NAT9: variants seen among roughly 807,000 people sequenced by gnomAD.
NAT9 encodes alpha/beta-tubulin-N-acetyltransferase 9.
Under a neutral mutation model 24.0 loss-of-function variants are expected in NAT9, and 18 were observed. That is an observed-to-expected ratio of 0.75 (90% CI 0.52 to 1.11). The LOEUF is 1.11. Among genes scored for constraint, NAT9 ranks in the 50% most tolerant of loss-of-function variants. NAT9 has a pLI of 0.00. For synonymous variants in NAT9, 104 were observed against 102.3 expected (o/e 1.02, Z -0.10); for missense variants, 254 against 258.6 (o/e 0.98, Z 0.12).
Position 74,775,643 on chromosome 17 carries a change from T to C in NAT9, c.56A>G (p.Tyr19Cys), listed in dbSNP as rs201221828. 183 of 1,613,888 alleles carry C rather than the reference T, an allele frequency of 1.1e-4. No homozygotes were observed. Among genetic ancestry groups the C allele is most frequent in the Non-Finnish European group, 1.5e-4 (175 of 1,179,926 alleles). ...ATACCTGGGCACATGCTCCGAGGTGTAGGGTACAAGGACCACCTTCTTCCC... is the reference window on the plus strand; with the variant it reads ...ATACCTGGGCACATGCTCCGAGGTGCAGGGTACAAGGACCACCTTCTTCCC... ...LLGKKVVLVP[Y>C]TSEHVPSRYH... Residue 19 changes from tyrosine (Y) to cysteine (C), a missense_variant, in exon 2 of 7, where the codon TAC becomes TGC. Tyr to Cys is a radical substitution (Grantham distance 194). Coordinates refer to ENST00000357814, the MANE Select transcript of NAT9 (RefSeq NM_015654.5).
intron 2 of NAT9, among the ~76,000 whole-genome samples, chr17:74,774,561 T>TTC (rs1450137231): frequency 6.7e-6 from 1 of 150,080 alleles, no homozygotes; most frequent in Non-Finnish European, 1.5e-5. Context: ...CTTTTTTTTT[T>TTC]TTTTTTTGAG....
chr17:74,772,225 C>G lies in NAT9; in HGVS notation c.387G>C (p.Leu129=). 3 of 1,614,254 alleles carry G rather than the reference C, an allele frequency of 1.9e-6. No individual in the cohort carries two copies. The highest frequency in any genetic ancestry group is 2.5e-6 in the Non-Finnish European group (3 of 1,180,052). Residue 129 remains leucine, a synonymous_variant, in exon 5 of 7, where the codon CTG becomes CTC. Transcript: ENST00000357814. ...CTGCTCACACTTTCTTACCGTAAGACAGCATCGCGAGAACGGCCTCAGTGC... is the reference window on the plus strand; with the variant it reads ...CTGCTCACACTTTCTTACCGTAAGAGAGCATCGCGAGAACGGCCTCAGTGC... ...GLGTEAVLAM[L]SYGVTTLGLT... is the part of the protein sequence containing the mutation.
chr17:74,773,687 T>C lies in NAT9; in HGVS notation c.79A>G (p.Arg27Gly), dbSNP rs2035556562. The change falls in exon 3 of 7, where the codon AGG (arginine) becomes GGG (glycine). Residue 27 changes from arginine (R) to glycine (G), a missense_variant and splice_region_variant. Transcript: ENST00000357814. ...VPYTSEHVPS[R>G]YHEWMKSEEL... ...TCTGATTTCATCCACTCGTGGTACC[T>C]GCTGGGACAGAGGGGTGGCTTTAGA... The C allele has an allele frequency of 1.2e-6, 2 of 1,613,790 alleles. No individual in the cohort carries two copies. Among genetic ancestry groups the C allele is most frequent in the African/African-American group, 1.3e-5 (1 of 74,932 alleles).
intron 1 of NAT9, 61 bp from the exon 2 acceptor site, chr17:74,775,768 G>A: frequency 6.9e-7 from 1 of 1,445,100 alleles, no homozygotes. Context: ...ACTTTGGGTA[G>A]GCGCTCCAGC....
chr17:74,773,458 C>G, intron 3 of NAT9, 118 bp downstream of exon 3: 1 of 893,370 alleles, frequency 1.1e-6, no homozygotes, highest in Admixed American at 2.0e-5. Flanking sequence ...CCAGCACCTT[C>G]CAGGCTTTTC....
In NAT9 at chr17:74,774,934, C is replaced by A. The variant is rs188453724; in HGVS notation, c.77+688G>T. On this transcript the variant is annotated intron_variant, in intron 2 of 6. Coordinates refer to ENST00000357814, the MANE Select transcript of NAT9 (RefSeq NM_015654.5). ...ACAGTGGTGTGATCTCGGCTCACCACAACCTCCACCTCCCTGGTTCAAGTG... is the reference window on the plus strand; with the variant it reads ...ACAGTGGTGTGATCTCGGCTCACCAAAACCTCCACCTCCCTGGTTCAAGTG... Among the ~76,000 whole-genome samples the A allele has an allele frequency of 7.8e-3, 1,189 of 151,706 alleles. 15 individuals are homozygous for A. Among genetic ancestry groups the A allele is most frequent in the African/African-American group, 0.028 (1,154 of 41,284 alleles).
In NAT9 at chr17:74,773,041, TGAG is replaced by T. The variant is rs1160486618; in HGVS notation, c.191-5_191-3del. The T allele has an allele frequency of 6.2e-7, 1 of 1,613,352 alleles. No homozygotes were observed. The highest frequency in any genetic ancestry group is 1.7e-5 in the Admixed American group (1 of 59,964). On this transcript the variant is annotated splice_region_variant and splice_polypyrimidine_tract_variant and intron_variant, in intron 3 of 6. Coordinates refer to ENST00000357814, the MANE Select transcript of NAT9 (RefSeq NM_015654.5). ...CATCCAGCACAATGAAGGTACACTCTGAGGAGGAGGTGACAGGGCTATCACACA... is the reference window on the plus strand; with the variant it reads ...CATCCAGCACAATGAAGGTACACTCTGAGGAGGTGACAGGGCTATCACACA...
In NAT9 at chr17:74,771,979, T is replaced by C. The variant is rs759239810; in HGVS notation, c.470A>G (p.Gln157Arg). 6.2e-7 allele frequency: 1 copy of C among 1,614,264 alleles called. No individual in the cohort carries two copies. The highest frequency in any genetic ancestry group is 8.5e-7 in the Non-Finnish European group (1 of 1,180,036). The change falls in exon 6 of 7, where the codon CAG becomes CGG. Residue 157 changes from glutamine (Q) to arginine (R), a missense_variant. Coordinates refer to ENST00000357814, the MANE Select transcript of NAT9 (RefSeq NM_015654.5). ...CCTTACCTGCTCAAAGTGAAGTTTC[T>C]GGAACATCCGGATGCTTGGTTCATT... ...QGNEPSIRMF[Q>R]KLHFEQVATS...
intron 2 of NAT9, among the ~76,000 whole-genome samples, chr17:74,774,695 G>C (rs532870435): frequency 2.0e-5 from 3 of 151,082 alleles, no homozygotes; most frequent in Non-Finnish European, 2.9e-5. Context: ...GACTACAGGC[G>C]CCCGCCACCA....
In NAT9 at chr17:74,772,160, G is replaced by C. The variant is rs776372706; in HGVS notation, c.394+58C>G. On this transcript the variant is annotated intron_variant, in intron 5 of 6. Transcript: ENST00000357814. Reference sequence around the variant, plus strand: ...TCACCTGCCCCCAACCCTCACACCTGAACAAAGTTCACCTGGGGCCTGCCC... The same window carrying C: ...TCACCTGCCCCCAACCCTCACACCTCAACAAAGTTCACCTGGGGCCTGCCC... The C allele has an allele frequency of 2.5e-6, 4 of 1,613,870 alleles. No individual in the cohort carries two copies. In the East Asian group the frequency reaches 8.9e-5, roughly 36 times the overall value.
In NAT9 at chr17:74,773,042, G is replaced by C. The variant is rs1729145345; in HGVS notation, c.191-3C>G. The C allele has an allele frequency of 1.9e-6, 3 of 1,613,596 alleles. No homozygotes were observed. The highest frequency in any genetic ancestry group is 2.5e-6 in the Non-Finnish European group (3 of 1,179,882). On this transcript the variant is annotated splice_region_variant and splice_polypyrimidine_tract_variant and intron_variant, in intron 3 of 6. Transcript: ENST00000357814. ...ATCCAGCACAATGAAGGTACACTCT[G>C]AGGAGGAGGTGACAGGGCTATCACA...
intron 2 of NAT9, 78 bp downstream of exon 2, chr17:74,775,544 A>G: frequency 8.3e-7 from 1 of 1,199,408 alleles, no homozygotes; most frequent in Non-Finnish European, 1.2e-6. Flanking sequence ...TTCTTAGGGG[A>G]AATAGCCCTG....
chr17:74,775,194 T>C (rs894157651), intron 2 of NAT9, among the ~76,000 whole-genome samples: 1 of 151,394 alleles, frequency 6.6e-6, no homozygotes, highest in African/African-American at 2.4e-5. Context: ...TTTGTTTTTT[T>C]TGTTTTTTTT....
intron 4 of NAT9, 167 bp downstream of exon 4, chr17:74,772,728 AC>A: frequency 1.7e-6 from 2 of 1,185,748 alleles, no homozygotes; most frequent in Non-Finnish European, 1.2e-6. Flanking sequence ...AGGGTGTACC[AC>A]CAGGCTGAGG....
chr17:74,772,604 C>A (rs1232344823), intron 4 of NAT9: 7 of 1,393,630 alleles, frequency 5.0e-6, no homozygotes, highest in East Asian at 5.3e-5. Flanking sequence ...GCTCCAGAGA[C>A]CTTTTTCTGA....
intron 3 of NAT9, 22 bp downstream of exon 3, chr17:74,773,554 G>A: frequency 6.3e-7 from 1 of 1,595,070 alleles, no homozygotes; most frequent in Non-Finnish European, 8.6e-7. Context: ...AGGGCTAGGG[G>A]AAGTGGGGGG....
rs2144268754 is a variant in NAT9, at chr17:74,775,558, CTG to C, written c.77+62_77+63del. ...CTTCTTAGGGGAAATAGCCCTGAGA[CTG>C]GGGCTGTACCTTACACAGCTCTGGG... On this transcript the variant is annotated intron_variant, in intron 2 of 6. Coordinates refer to ENST00000357814, the MANE Select transcript of NAT9 (RefSeq NM_015654.5). 4.5e-6 allele frequency: 6 copies of C among 1,343,092 alleles called. No individual in the cohort carries two copies. In the South Asian group the frequency reaches 7.7e-5, roughly 17 times the overall value. 83.2% of individuals were successfully genotyped at this position (1,343,092 alleles called of 1,614,324 possible). A position where few individuals can be genotyped will look rare whatever the true frequency, so the allele number is the denominator to read the frequency against.
Position 74,771,993 on chromosome 17 carries a change from G to A in NAT9, c.456C>T (p.Ser152=). ...EAKIGQGNEP[S]IRMFQKLHFE... is the part of the protein sequence containing the mutation. ...AGTGAAGTTTCTGGAACATCCGGAT[G>A]CTTGGTTCATTTCCTTGCCCAATTT... The change falls in exon 6 of 7, where the codon AGC becomes AGT. Residue 152 remains serine (S), a synonymous_variant. Coordinates refer to ENST00000357814, the MANE Select transcript of NAT9 (RefSeq NM_015654.5). The A allele has an allele frequency of 3.7e-6, 6 of 1,614,240 alleles. No homozygotes were observed. Among genetic ancestry groups the A allele is most frequent in the South Asian group, 1.1e-5 (1 of 91,088 alleles).
At chr17:74,773,993 C>T (rs1237577305) in intron 2 of NAT9, 5 of 276,058 alleles carry the variant, frequency 1.8e-5, no homozygotes, top group Non-Finnish European at 3.7e-5. Context: ...GCAAGCCAAC[C>T]TCAACAAAGG....
Sources: gnomAD v4.1 joint callset for allele counts (sites outside exome capture counted in the v4.1 genomes callset) on GRCh38, gnomAD v4.1.1 for gene constraint, MANE v1.5 for transcripts, NCBI Gene and HGNC (gene_info 2026-07-23, HGNC 2026-07-21) for gene names.